The following GALNT7 variants were observed in gnomAD, a reference collection of about 807,000 sequenced individuals.
The protein encoded by GALNT7 is polypeptide N-acetylgalactosaminyltransferase 7.
A neutral mutation model predicts 82.1 loss-of-function variants in GALNT7; 60 were observed. The observed-to-expected ratio is 0.73, with a 90% confidence interval of 0.59 to 0.91. The LOEUF (loss-of-function observed/expected upper bound fraction) is 0.91. Among genes scored for constraint, GALNT7 ranks in the 40% least tolerant of loss-of-function variants. GALNT7 has a pLI of 0.00. For missense variants in GALNT7, 660 were observed against 804.2 expected, an observed-to-expected ratio of 0.82 and a Z score of 2.17; for synonymous variants, 243 against 275.1, an observed-to-expected ratio of 0.88 and a Z score of 1.15.
chr4:173,278,677 A>G (rs1736000691), intron 2 of GALNT7, among the ~76,000 whole-genome samples: 1 of 152,254 alleles, frequency 6.6e-6, no homozygotes, highest in South Asian at 2.1e-4. Flanking sequence ...GAATTGTGAG[A>G]TAGCAATATG....
At position 173,272,656 on chromosome 4, in the gene GALNT7, C is replaced by T. The variant is rs552197460; in HGVS notation, c.588-19452C>T. On this transcript the variant is annotated intron_variant, in intron 2 of 11. Coordinates refer to ENST00000265000, the MANE Select transcript of GALNT7 (RefSeq NM_017423.3). ...CAATTGATTCCGGAAATGAGGTAGA[C>T]TACCGCAATAATTTTTTGAAATAGT... Among the ~76,000 whole-genome samples, 2 of 152,342 alleles carry T rather than the reference C, an allele frequency of 1.3e-5. 1 individual carries two copies. The highest frequency in any genetic ancestry group is 4.1e-4 in the South Asian group (2 of 4,832).
At position 173,313,973 on chromosome 4, in the gene GALNT7, G is replaced by A. The variant is rs1162276297; in HGVS notation, c.1405G>A (p.Val469Met). The change falls in exon 9 of 12, where the codon GTG becomes ATG. Residue 469 changes from valine to methionine, a missense_variant. Val to Met is a conservative substitution (Grantham distance 21). Transcript: ENST00000265000. Reference protein sequence around the residue: ...SPTLKNYVRVVEVWWDEYKDY... With the variant: ...SPTLKNYVRVMEVWWDEYKDY... ...TTTTTTACAGAATTATGTTAGAGTTGTGGAGGTTTGGTGGGATGAATATAA... is the reference window on the plus strand; with the variant it reads ...TTTTTTACAGAATTATGTTAGAGTTATGGAGGTTTGGTGGGATGAATATAA... 6.5e-7 allele frequency: 1 copy of A among 1,538,468 alleles called. No homozygotes were observed. The highest frequency in any genetic ancestry group is 1.7e-5 in the Admixed American group (1 of 59,794).
At chr4:173,177,572 T>C (rs1383828401) in intron 1 of GALNT7, among the ~76,000 whole-genome samples, 1 of 152,128 alleles carries the variant, frequency 6.6e-6, no homozygotes, top group Non-Finnish European at 1.5e-5. Context: ...TGGGGAGAGA[T>C]GAAAGAAGGC....
At chr4:173,185,323 T>C (rs1732430980) in intron 1 of GALNT7, among the ~76,000 whole-genome samples, 1 of 151,660 alleles carries the variant, frequency 6.6e-6, no homozygotes, top group African/African-American at 2.4e-5. Context: ...ACAGAGTAAA[T>C]GGTGCACTGG....
chr4:173,310,140 C>T (rs1383745035), intron 8 of GALNT7, among the ~76,000 whole-genome samples: 1 of 152,232 alleles, frequency 6.6e-6, no homozygotes, highest in African/African-American at 2.4e-5. Context: ...GTTTCTCCAG[C>T]TCATTTGTCT....
At chr4:173,188,430 A>G (rs1325383092) in intron 1 of GALNT7, among the ~76,000 whole-genome samples, 2 of 152,198 alleles carry the variant, frequency 1.3e-5, no homozygotes, top group Non-Finnish European at 2.9e-5. Flanking sequence ...AGTGTTGCAT[A>G]TTGTATCACC....
rs1476279063 is a variant in GALNT7, at chr4:173,237,915, A to G, written c.127-10065A>G. Among the ~76,000 whole-genome samples, 5 of 152,156 alleles carry G rather than the reference A, an allele frequency of 3.3e-5. No homozygotes were observed. The East Asian group carries it at 7.7e-4, about 23-fold the overall frequency. On this transcript the variant is annotated intron_variant, in intron 1 of 11. Transcript: ENST00000265000. ...TGGCACAAGCTGAAAGTTCACTCCA[A>G]AACATTATGTGAGTGGGCAGAAGAG...
At chr4:173,315,651 A>G (rs755382168) in intron 9 of GALNT7, among the ~76,000 whole-genome samples, 1 of 150,944 alleles carries the variant, frequency 6.6e-6, no homozygotes, top group Non-Finnish European at 1.5e-5. Flanking sequence ...GCTTTAATAT[A>G]CTTTTTCCCT....
intron 1 of GALNT7, among the ~76,000 whole-genome samples, chr4:173,221,667 A>G (rs1010840511): frequency 2.6e-5 from 4 of 152,254 alleles, no homozygotes; most frequent in African/African-American, 4.8e-5. Flanking sequence ...TAATATTTCA[A>G]TAGTATTATC....
rs774734218 is a variant in GALNT7 at position 173,321,560 on chromosome 4, T to C, written c.1837-20T>C. 9.4e-6 allele frequency: 15 copies of C among 1,602,994 alleles called. No homozygotes were observed. The highest frequency in any genetic ancestry group is 6.7e-5 in the African/African-American group (5 of 74,486). On this transcript the variant is annotated intron_variant, in intron 11 of 11. Coordinates refer to ENST00000265000, the MANE Select transcript of GALNT7 (RefSeq NM_017423.3). Reference sequence around the variant, plus strand: ...ATCAAGGGTCCAAATTTGAAACTTTTTTCTTACTGTGTTTTCCAGAACCTG... The same window carrying C: ...ATCAAGGGTCCAAATTTGAAACTTTCTTCTTACTGTGTTTTCCAGAACCTG...
At chr4:173,221,028 G>A (rs1335422343) in intron 1 of GALNT7, among the ~76,000 whole-genome samples, 1 of 151,118 alleles carries the variant, frequency 6.6e-6, no homozygotes, top group East Asian at 1.9e-4. Flanking sequence ...GTAATGGGAT[G>A]GCTGGGTCAA....
At chr4:173,253,237 G>T (rs1356849976) in intron 2 of GALNT7, among the ~76,000 whole-genome samples, 1 of 152,106 alleles carries the variant, frequency 6.6e-6, no homozygotes, top group Non-Finnish European at 1.5e-5. Flanking sequence ...TTTCTGAGGG[G>T]GATACTAGGG....
chr4:173,186,043 T>C (rs1306701657), intron 1 of GALNT7, among the ~76,000 whole-genome samples: 1 of 152,192 alleles, frequency 6.6e-6, no homozygotes, highest in Non-Finnish European at 1.5e-5. Context: ...GATAAGTATG[T>C]GCCACATAAA....
intron 1 of GALNT7, among the ~76,000 whole-genome samples, chr4:173,188,964 TG>T (rs906981111): frequency 1.3e-5 from 2 of 152,212 alleles, no homozygotes; most frequent in Admixed American, 1.3e-4. Context: ...CTGGCCTTAC[TG>T]CCCTCGAGGG....
chr4:173,190,548 T>C (rs1170087428), intron 1 of GALNT7, among the ~76,000 whole-genome samples: 1 of 152,240 alleles, frequency 6.6e-6, no homozygotes, highest in Non-Finnish European at 1.5e-5. Flanking sequence ...TGGTATCTAG[T>C]GTAAATCTGA....
chr4:173,295,973 C>A, intron 5 of GALNT7, 130 bp downstream of exon 5: 2 of 660,308 alleles, frequency 3.0e-6, no homozygotes, highest in East Asian at 5.4e-5. Context: ...TATCCCTCAT[C>A]TATTTGTTTC....
chr4:173,201,286 T>C (rs17059207), intron 1 of GALNT7, among the ~76,000 whole-genome samples: 113,516 of 152,000 alleles, frequency 0.75, 43,412 homozygotes, highest in East Asian at 0.92. Flanking sequence ...ATGCCATTCT[T>C]GATATAAGTT....
chr4:173,253,637 T>G (rs1734924681), intron 2 of GALNT7, among the ~76,000 whole-genome samples: 1 of 151,404 alleles, frequency 6.6e-6, no homozygotes, highest in African/African-American at 2.4e-5. Context: ...GGTGATGGAG[T>G]GGAAGGGGAA....
rs781387282 is a variant in GALNT7 at position 173,298,078 on chromosome 4, C to G, written c.966-37C>G. 2.5e-6 allele frequency: 4 copies of G among 1,604,736 alleles called. No homozygotes were observed. In the African/African-American group the frequency reaches 5.4e-5, roughly 22 times the overall value. On this transcript the variant is annotated intron_variant, in intron 5 of 11. Coordinates refer to ENST00000265000, the MANE Select transcript of GALNT7 (RefSeq NM_017423.3). ...ATAAATGTGTGGGTCCATACATACG[C>G]TTCCATTTGATCTTTGCTGCCATCA...
Sources: allele counts gnomAD v4.1 joint callset (sites outside exome capture counted in the v4.1 genomes callset), GRCh38; gene constraint gnomAD v4.1.1; transcripts MANE v1.5; gene names NCBI Gene and HGNC (gene_info 2026-07-23, HGNC 2026-07-21).